Variants in NFATC1 observed in about 807,000 individuals in gnomAD.
NFATC1 encodes the protein nuclear factor of activated T cells 1.
Under a neutral mutation model 76.0 loss-of-function variants are expected in NFATC1, and 22 were observed. The ratio of observed to expected loss-of-function variants is 0.29; its 90% CI spans 0.21 to 0.41. The LOEUF (loss-of-function observed/expected upper bound fraction) is 0.41, where lower values mean the gene tolerates loss of function less well. NFATC1 is among the 10% of genes least tolerant of loss of function. The pLI, the probability that NFATC1 is intolerant of heterozygous loss-of-function variation, is 1.00. For synonymous variants in NFATC1, 704 were observed against 613.1 expected, an observed-to-expected ratio of 1.15 and a Z score of -2.19; for missense variants, 1,357 against 1,337.7, an observed-to-expected ratio of 1.01 and a Z score of -0.23.
intron 9 of NFATC1, among the ~76,000 whole-genome samples, chr18:79,515,541 C>T (rs1400696093): frequency 1.3e-5 from 2 of 151,870 alleles, no homozygotes; most frequent in African/African-American, 4.8e-5. Context: ...GTATTGGCTT[C>T]TGAGTTGCCA....
chr18:79,408,078 T>C (rs1008160631), intron 1 of NFATC1, among the ~76,000 whole-genome samples: 3 of 152,226 alleles, frequency 2.0e-5, no homozygotes, highest in Non-Finnish European at 2.9e-5. Flanking sequence ...CCACGGTGTG[T>C]CCTCTTACCA....
intron 1 of NFATC1, chr18:79,400,298 C>T (rs2085150547): frequency 8.8e-6 from 11 of 1,256,220 alleles, no homozygotes; most frequent in South Asian, 2.3e-5. Context: ...GGGCGGGGGT[C>T]ACGTTACGCG....
intron 1 of NFATC1, chr18:79,400,418 C>T: frequency 6.7e-7 from 1 of 1,495,858 alleles, no homozygotes; most frequent in Non-Finnish European, 8.9e-7. Flanking sequence ...ACCAGGAGTT[C>T]GACTTCGAGT....
At chr18:79,433,787 A>G (rs763325565) in intron 3 of NFATC1, 49 bp downstream of exon 3, 10 of 1,580,006 alleles carry the variant, frequency 6.3e-6, no homozygotes, top group East Asian at 2.3e-5. Context: ...TTTGTGGTCA[A>G]AAAGTAACTT....
intron 8 of NFATC1, among the ~76,000 whole-genome samples, chr18:79,481,416 A>G (rs1259617711): frequency 6.6e-6 from 1 of 152,130 alleles, no homozygotes; most frequent in African/African-American, 2.4e-5. Context: ...CAGATATTCA[A>G]TTTTCTAATG....
intron 2 of NFATC1, among the ~76,000 whole-genome samples, chr18:79,416,012 AGGTC>A (rs1376986401): frequency 6.6e-6 from 1 of 152,244 alleles, no homozygotes; most frequent in Admixed American, 6.5e-5. Flanking sequence ...CAGTGAGCTG[AGGTC>A]GTGCCACTGC....
chr18:79,491,749 G>C (rs1297805087), intron 9 of NFATC1, among the ~76,000 whole-genome samples: 1 of 152,226 alleles, frequency 6.6e-6, no homozygotes, highest in Non-Finnish European at 1.5e-5. Context: ...TGCGAACCAA[G>C]CAGTGGTGGA....
chr18:79,439,270 T>A (rs2086889072), intron 3 of NFATC1, among the ~76,000 whole-genome samples: 1 of 152,118 alleles, frequency 6.6e-6, no homozygotes, highest in Admixed American at 6.5e-5. Flanking sequence ...TGGGACACAT[T>A]GTTATCTGAT....
chr18:79,398,458 A>G (rs1051782615), intron 1 of NFATC1, among the ~76,000 whole-genome samples: 4 of 152,236 alleles, frequency 2.6e-5, no homozygotes, highest in African/African-American at 9.6e-5. Context: ...GGAGACACCC[A>G]GTGTCTGTGG....
rs2087338889 is a variant in NFATC1 at position 79,448,977 on chromosome 18, C to A, written c.1582C>A (p.Arg528=). 6.2e-7 allele frequency: 1 copy of A among 1,613,048 alleles called. No homozygotes were observed. Among genetic ancestry groups the A allele is most frequent in the African/African-American group, 1.3e-5 (1 of 75,056 alleles). Residue 528 remains arginine (R), a synonymous_variant, in exon 4 of 10, where the codon CGA becomes AGA. Coordinates refer to ENST00000427363, the MANE Select transcript of NFATC1 (RefSeq NM_001278669.2). ...CCCACTCCTGCCGGAGAACAGCATG[C>A]GAGCCGTGTAAGCCGCGGGGGACCT... ...EIPLLPENSM[R]AVIDCAGILK...
At position 79,509,066 on chromosome 18, in the gene NFATC1, C is replaced by T. The variant is rs556281572; in HGVS notation, c.2783-18462C>T. Among the ~76,000 whole-genome samples, 5 of 152,326 alleles carry T rather than the reference C, an allele frequency of 3.3e-5. No individual in the cohort carries two copies. In the South Asian group the frequency reaches 1.0e-3, roughly 32 times the overall value. ...TGTCCTGTACGGAGAAAGCGGAGAA[C>T]TAGAGCATTGGAGAGACCCGCATGG... On this transcript the variant is annotated intron_variant, in intron 9 of 9. Transcript: ENST00000427363.
intron 9 of NFATC1, among the ~76,000 whole-genome samples, chr18:79,520,746 G>A (rs1458841265): frequency 1.1e-5 from 1 of 89,674 alleles, no homozygotes; most frequent in African/African-American, 4.6e-5. Context: ...GTGTGTGTCT[G>A]TGTGTGTAGG....
At chr18:79,492,563 G>T (rs1423833792) in intron 9 of NFATC1, among the ~76,000 whole-genome samples, 2 of 152,130 alleles carry the variant, frequency 1.3e-5, no homozygotes, top group Non-Finnish European at 2.9e-5. Context: ...CAAAAAATTA[G>T]CCGGGAGTGG....
intron 9 of NFATC1, among the ~76,000 whole-genome samples, chr18:79,526,056 C>T (rs181618397): frequency 2.4e-4 from 37 of 152,324 alleles, no homozygotes; most frequent in Non-Finnish European, 4.4e-4. Flanking sequence ...TGGGGACGTG[C>T]GACCCCCACA....
chr18:79,431,734 G>T (rs377543033), intron 2 of NFATC1, among the ~76,000 whole-genome samples: 2 of 151,806 alleles, frequency 1.3e-5, no homozygotes, highest in Non-Finnish European at 2.9e-5. Context: ...ATGGAGTCTC[G>T]CTCTGTCGCC....
chr18:79,461,362 A>G lies in NFATC1; in HGVS notation c.1955A>G (p.Lys652Arg). Residue 652 changes from lysine (K) to arginine (R), a missense_variant, in exon 7 of 10, where the codon AAG becomes AGG. Around this residue, in one of 3 missense-constraint regions of NFATC1, gnomAD observed 242 missense variants for 329.2 expected, o/e 0.74. Transcript: ENST00000427363. ...GCGAAAACTGACCGGGACCTGTGCA[A>G]GCCGGTGAGTGCCTTTGGCGCAGCT... ...MEAKTDRDLC[K>R]PNSLVVEIPP... 6.8e-7 allele frequency: 1 copy of G among 1,474,660 alleles called. No individual in the cohort carries two copies. The highest frequency in any genetic ancestry group is 8.9e-7 in the Non-Finnish European group (1 of 1,123,682). The allele number at this position is 1,474,660 out of a possible 1,614,324, so 91.3% of individuals were successfully genotyped here.
At position 79,467,516 on chromosome 18, in the gene NFATC1, T is replaced by C; in HGVS notation, c.2026T>C (p.Phe676Leu). 1 of 1,613,910 alleles carries C rather than the reference T, an allele frequency of 6.2e-7. No individual in the cohort carries two copies. The highest frequency in any genetic ancestry group is 1.1e-5 in the South Asian group (1 of 91,074). ...GATAACCAGCCCCGTTCACGTCAGTTTCTACGTCTGCAACGGGAAGAGAAA... is the reference window on the plus strand; with the variant it reads ...GATAACCAGCCCCGTTCACGTCAGTCTCTACGTCTGCAACGGGAAGAGAAA... ...QRITSPVHVS[F>L]YVCNGKRKRS... Residue 676 changes from phenylalanine (F) to leucine (L), a missense_variant, in exon 8 of 10, where the codon TTC becomes CTC. Phe to Leu is a conservative substitution (Grantham distance 22). Coordinates refer to ENST00000427363, the MANE Select transcript of NFATC1 (RefSeq NM_001278669.2).
intron 2 of NFATC1, among the ~76,000 whole-genome samples, chr18:79,433,142 C>T (rs2086657080): frequency 6.6e-6 from 1 of 152,202 alleles, no homozygotes; most frequent in Non-Finnish European, 1.5e-5. Context: ...AACTTCCAAA[C>T]CCACTATTTT....
intron 9 of NFATC1, among the ~76,000 whole-genome samples, chr18:79,492,833 C>T (rs2089724031): frequency 6.7e-6 from 1 of 148,862 alleles, no homozygotes; most frequent in Admixed American, 6.7e-5. Context: ...GAGACCTCGC[C>T]ACTGCACTCC....
Sources: allele counts gnomAD v4.1 joint callset (sites outside exome capture counted in the v4.1 genomes callset), GRCh38; gene constraint gnomAD v4.1.1; regional missense constraint gnomAD v4.1.1; transcripts MANE v1.5; gene names NCBI Gene and HGNC (gene_info 2026-07-23, HGNC 2026-07-21).